Variants in KIF13B observed in about 807,000 individuals in gnomAD.
The protein encoded by KIF13B is kinesin family member 13B.
Under a neutral mutation model 222.0 loss-of-function variants are expected in KIF13B, and 127 were observed. The observed-to-expected ratio is 0.57, with a 90% CI of 0.50 to 0.66. The LOEUF (loss-of-function observed/expected upper bound fraction) is 0.66. Ranked by LOEUF, KIF13B falls within the 30% of genes least tolerant of loss-of-function variation. The probability of loss-of-function intolerance (pLI) is 0.00; values close to 1 mark genes in which losing one functional copy is unlikely to be tolerated. For missense variants in KIF13B, 2,173 were observed against 2,379.0 expected (o/e 0.91, Z 1.80); for synonymous variants, 976 against 919.0 (o/e 1.06, Z -1.12).
intron 30 of KIF13B, among the ~76,000 whole-genome samples, chr8:29,117,249 C>T (rs1277751669): frequency 6.6e-6 from 1 of 152,100 alleles, no homozygotes; most frequent in East Asian, 1.9e-4. Context: ...TTAAAAAATG[C>T]TCAAATGTCA....
intron 21 of KIF13B, among the ~76,000 whole-genome samples, chr8:29,136,060 A>C (rs1013518166): frequency 6.6e-6 from 1 of 152,198 alleles, no homozygotes; most frequent in Non-Finnish European, 1.5e-5. Context: ...AGTTTGAAAC[A>C]CCTAGATAGC....
chr8:29,226,512 C>T (rs1027870544), intron 2 of KIF13B, among the ~76,000 whole-genome samples: 9 of 152,136 alleles, frequency 5.9e-5, no homozygotes, highest in African/African-American at 2.2e-4. Context: ...CCGGAAAGCC[C>T]ATGGGTGTCC....
chr8:29,094,386 C>T (rs751677146), intron 36 of KIF13B, among the ~76,000 whole-genome samples: 1 of 152,192 alleles, frequency 6.6e-6, no homozygotes, highest in African/African-American at 2.4e-5. Context: ...AATGCATGGT[C>T]GTGAAGTATT....
chr8:29,206,788 A>G (rs576206492), intron 2 of KIF13B, among the ~76,000 whole-genome samples: 2 of 152,338 alleles, frequency 1.3e-5, no homozygotes, highest in South Asian at 4.1e-4. Flanking sequence ...GAATGAGTAA[A>G]TATGTCATAT....
intron 24 of KIF13B, among the ~76,000 whole-genome samples, chr8:29,130,200 G>A (rs547172366): frequency 6.6e-6 from 1 of 152,214 alleles, no homozygotes; most frequent in African/African-American, 2.4e-5. Flanking sequence ...AACAGAACTG[G>A]TTTTTAAAAT....
rs958623041 is a variant in KIF13B at position 29,080,530 on chromosome 8, C to CCA, written c.4459-5189_4459-5188dup. Among the ~76,000 whole-genome samples the CCA allele has an allele frequency of 4.9e-4, 74 of 152,270 alleles. 2 individuals carry two copies. The highest frequency in any genetic ancestry group is 1.7e-3 in the African/African-American group (70 of 41,542). ...CTCCGGCATGTGAGGCCTTCAGTGA[C>CCA]CACCCTGTGCGCCTGGAGGCTCCAG... On this transcript the variant is annotated intron_variant, in intron 37 of 39. Coordinates refer to ENST00000524189, the MANE Select transcript of KIF13B (RefSeq NM_015254.4).
At chr8:29,113,406 G>A (rs924253275) in intron 32 of KIF13B, 57 bp downstream of exon 32, 4 of 1,036,950 alleles carry the variant, frequency 3.9e-6, no homozygotes, top group Non-Finnish European at 5.8e-6. Context: ...CACTTTTCAG[G>A]GAGTTGGCTC....
intron 24 of KIF13B, among the ~76,000 whole-genome samples, chr8:29,129,111 A>G (rs2129807787): frequency 6.6e-6 from 1 of 152,312 alleles, no homozygotes; most frequent in South Asian, 2.1e-4. Flanking sequence ...CAGAACTTGC[A>G]TGATTTTTTC....
intron 22 of KIF13B, among the ~76,000 whole-genome samples, 189 bp from the exon 23 acceptor site, chr8:29,132,654 A>G (rs187001040): frequency 3.0e-3 from 459 of 152,350 alleles, no homozygotes; most frequent in African/African-American, 0.01. Flanking sequence ...GACTTTAAAC[A>G]TAAGTATAAA....
chr8:29,206,354 T>C (rs1813940324), intron 2 of KIF13B, among the ~76,000 whole-genome samples: 1 of 152,234 alleles, frequency 6.6e-6, no homozygotes, highest in Non-Finnish European at 1.5e-5. Context: ...GCCATCATTA[T>C]TGTGATTCTG....
At chr8:29,223,933 C>T (rs974598638) in intron 2 of KIF13B, among the ~76,000 whole-genome samples, 7 of 151,686 alleles carry the variant, frequency 4.6e-5, no homozygotes, top group East Asian at 1.9e-4. Flanking sequence ...CCTTGTGATC[C>T]GCCCGCCTCA....
At chr8:29,191,183 T>C in intron 3 of KIF13B, 126 bp from the exon 4 acceptor site, 3 of 681,534 alleles carry the variant, frequency 4.4e-6, no homozygotes, top group Non-Finnish European at 7.6e-6. Flanking sequence ...ATTAATTATG[T>C]ATGTAGAGGC....
At chr8:29,196,302 A>T in intron 2 of KIF13B, 103 bp from the exon 3 acceptor site, 1 of 906,818 alleles carries the variant, frequency 1.1e-6, no homozygotes, top group Admixed American at 2.7e-5. Context: ...AATAATAAAC[A>T]TTATGTAAAT....
At chr8:29,145,051 C>T (rs1220692849) in intron 18 of KIF13B, among the ~76,000 whole-genome samples, 8 of 152,218 alleles carry the variant, frequency 5.3e-5, no homozygotes, top group Admixed American at 5.2e-4. Context: ...TTGTACTTCT[C>T]AGCCTTCAAG....
chr8:29,123,577 T>C, intron 27 of KIF13B, 85 bp from the exon 28 acceptor site: 1 of 1,529,904 alleles, frequency 6.5e-7, no homozygotes, highest in South Asian at 1.2e-5. Flanking sequence ...GATTTGCCTA[T>C]ATTTCAATTA....
At chr8:29,204,662 T>C (rs745453189) in intron 2 of KIF13B, among the ~76,000 whole-genome samples, 79 of 152,250 alleles carry the variant, frequency 5.2e-4, no homozygotes, top group Non-Finnish European at 2.8e-4. Context: ...TACACACTCA[T>C]TTTAATCATG....
intron 14 of KIF13B, among the ~76,000 whole-genome samples, chr8:29,153,461 AG>A (rs1018008402): frequency 4.5e-4 from 68 of 151,634 alleles, no homozygotes; most frequent in African/African-American, 1.5e-3. Flanking sequence ...ATTCAACAGA[AG>A]TGGTGGGTAG....
chr8:29,137,321 T>G (rs894108623), intron 21 of KIF13B, among the ~76,000 whole-genome samples: 9 of 152,188 alleles, frequency 5.9e-5, no homozygotes, highest in African/African-American at 2.2e-4. Context: ...CACAGGCTGT[T>G]TGGGTTTTGT....
At chr8:29,192,824 G>A (rs982144038) in intron 3 of KIF13B, among the ~76,000 whole-genome samples, 9 of 151,920 alleles carry the variant, frequency 5.9e-5, no homozygotes, top group Non-Finnish European at 1.2e-4. Context: ...AGAGAAGGGG[G>A]AAAAAAGAAC....
Sources: allele counts gnomAD v4.1 joint callset (sites outside exome capture counted in the v4.1 genomes callset), GRCh38; gene constraint gnomAD v4.1.1; transcripts MANE v1.5; gene names NCBI Gene and HGNC (gene_info 2026-07-23, HGNC 2026-07-21).